The following ZNF561 variants were observed in gnomAD, a reference collection of about 807,000 sequenced individuals.
The protein encoded by ZNF561 is zinc finger protein 561.
In ZNF561, 16 loss-of-function variants were observed where a neutral mutation model predicts 16.7. That is an observed-to-expected ratio of 0.96 (90% confidence interval 0.65 to 1.45). The LOEUF (loss-of-function observed/expected upper bound fraction) is 1.45, where lower values mean the gene tolerates loss of function less well. Among genes scored for constraint, ZNF561 ranks in the 40% most tolerant of loss-of-function variants. The pLI is 0.00. For synonymous variants in ZNF561, 190 were observed against 192.1 expected (o/e 0.99, Z 0.09); for missense variants, 580 against 578.0 (o/e 1.00, Z -0.04).
At position 9,613,072 on chromosome 19, in the gene ZNF561, T is replaced by A. The variant is rs573219335; in HGVS notation, c.324+949A>T. Among the ~76,000 whole-genome samples, 14 of 152,248 alleles carry A rather than the reference T, an allele frequency of 9.2e-5. No individual in the cohort carries two copies. In the East Asian group the frequency reaches 2.7e-3, roughly 29 times the overall value. On this transcript the variant is annotated intron_variant, in intron 5 of 5. Transcript: ENST00000302851. ...TCCCAAAGTGCTGGGATTACAGGTG[T>A]CAGCCATTGCACCCAGTCAAATAGT...
At chr19:9,617,381 AT>A in intron 3 of ZNF561, 2 of 1,160,166 alleles carry the variant, frequency 1.7e-6, no homozygotes, top group African/African-American at 1.6e-5. Flanking sequence ...ACTTTTTAAA[AT>A]TTTTTTAAAT....
rs765627372 is a variant in ZNF561, at chr19:9,610,832, CT to C, written c.828del (p.Gly277GlufsTer30). ...SQLYAPVKTHKGEKSFECKEC... is the reference protein window; with the variant it reads ...SQLYAPVKTHXGEKSFECKEC... Reference sequence around the variant, plus strand: ...TCTTTACATTCAAAGGACTTCTCTCCTTTATGAGTTTTCACAGGTGCATAAA... The same window carrying C: ...TCTTTACATTCAAAGGACTTCTCTCCTTATGAGTTTTCACAGGTGCATAAA... On this transcript the variant is annotated frameshift_variant, in exon 6 of 6. Coordinates refer to ENST00000302851, the MANE Select transcript of ZNF561 (RefSeq NM_152289.3). LOFTEE classifies it low-confidence loss of function (END_TRUNC). 1 of 1,614,090 alleles carries C rather than the reference CT, an allele frequency of 6.2e-7. No homozygotes were observed. The highest frequency in any genetic ancestry group is 2.2e-5 in the East Asian group (1 of 44,876).
rs2074441849 is a variant in ZNF561, at chr19:9,610,944, G to A, written c.717C>T (p.His239=). The change falls in exon 6 of 6, where the codon CAC becomes CAT. Residue 239 remains histidine, a synonymous_variant. Coordinates refer to ENST00000302851, the MANE Select transcript of ZNF561 (RefSeq NM_152289.3). ...TATGAACTGCTACACACTGCTTTAG[G>A]TGTGAAGAAGCTGTGACAGCTCTCC... ...EYGRAVTASS[H]LKQCVAVHTG... 3 of 1,613,976 alleles carry A rather than the reference G, an allele frequency of 1.9e-6. No individual in the cohort carries two copies. The highest frequency in any genetic ancestry group is 2.7e-5 in the African/African-American group (2 of 74,900).
chr19:9,610,094 G>T lies in ZNF561; in HGVS notation c.*106C>A. The T allele has an allele frequency of 1.0e-6, 1 of 994,282 alleles. No homozygotes were observed. The highest frequency in any genetic ancestry group is 1.4e-6 in the Non-Finnish European group (1 of 694,518). The allele number at this position is 994,282 out of a possible 1,614,324, so 61.6% of individuals were successfully genotyped here. A position where few individuals can be genotyped will look rare whatever the true frequency, so the allele number is the denominator to read the frequency against. On this transcript the variant is annotated 3_prime_UTR_variant, in exon 6 of 6. Coordinates refer to ENST00000302851, the MANE Select transcript of ZNF561 (RefSeq NM_152289.3). ...GGTTTAATTTCAGACCCTCAGGATG[G>T]TATCTAAGGCCAATCCATGAGTCAT...
At position 9,619,428 on chromosome 19, in the gene ZNF561, T is replaced by C; in HGVS notation, c.25+4A>G. The C allele has an allele frequency of 1.2e-6, 2 of 1,613,260 alleles. No homozygotes were observed. Among genetic ancestry groups the C allele is most frequent in the Non-Finnish European group, 1.7e-6 (2 of 1,179,500 alleles). On this transcript the variant is annotated splice_donor_region_variant and intron_variant, in intron 2 of 5. Coordinates refer to ENST00000302851, the MANE Select transcript of ZNF561 (RefSeq NM_152289.3). ...TCTGAAAAAGAGCATCAACAAAGAC[T>C]TACCACGGGACAAATAAATGGCTGC... is the stretch of plus-strand genomic sequence containing the variant.
intron 4 of ZNF561, among the ~76,000 whole-genome samples, chr19:9,614,482 C>A (rs925090629): frequency 5.3e-5 from 8 of 152,262 alleles, no homozygotes; most frequent in African/African-American, 1.7e-4. Context: ...GTGGCGCATG[C>A]CTATAATCCC....
intron 4 of ZNF561, among the ~76,000 whole-genome samples, chr19:9,616,448 T>G (rs1400547664): frequency 6.6e-6 from 1 of 151,518 alleles, no homozygotes; most frequent in Non-Finnish European, 1.5e-5. Context: ...GTCTGGCTAA[T>G]TTTTGTATTT....
intron 3 of ZNF561, chr19:9,617,641 G>T: frequency 2.2e-6 from 1 of 456,928 alleles, no homozygotes; most frequent in Non-Finnish European, 4.4e-6. Flanking sequence ...TGAGTAGCTG[G>T]AATTACAGGC....
chr19:9,618,274 G>A (rs902860911), intron 2 of ZNF561, 95 bp from the exon 3 acceptor site: 9 of 1,215,506 alleles, frequency 7.4e-6, no homozygotes, highest in South Asian at 2.6e-5. Flanking sequence ...TTGAAATTCC[G>A]ATATGCTCCT....
At position 9,609,011 on chromosome 19, in the gene ZNF561, C is replaced by T. The variant is rs1322902522; in HGVS notation, c.*1189G>A. On this transcript the variant is annotated 3_prime_UTR_variant, in exon 6 of 6. Transcript: ENST00000302851. ...CCATGCTGGAGGTTGCTGGTTTACC[C>T]GAATGAGGGCAAGGAACACCTGGCC... 6 of 152,088 alleles carry T rather than the reference C, an allele frequency of 3.9e-5. No individual in the cohort carries two copies. The highest frequency in any genetic ancestry group is 6.6e-5 in the Admixed American group (1 of 15,260). The allele number at this position is 152,088 out of a possible 1,614,324, so 9.4% of individuals were successfully genotyped here. A position where few individuals can be genotyped will look rare whatever the true frequency, so the allele number is the denominator to read the frequency against.
intron 1 of ZNF561, 30 bp from the exon 2 acceptor site, chr19:9,619,612 A>G: frequency 1.7e-6 from 1 of 577,916 alleles, no homozygotes; most frequent in Non-Finnish European, 2.9e-6. Context: ...AACAACAAGC[A>G]TGAAACATCA....
chr19:9,610,873 G>A lies in ZNF561; in HGVS notation c.788C>T (p.Thr263Ile). 1 of 1,614,132 alleles carries A rather than the reference G, an allele frequency of 6.2e-7. No individual in the cohort carries two copies. Among genetic ancestry groups the A allele is most frequent in the African/African-American group, 1.3e-5 (1 of 75,048 alleles). ...KKTKKCGKSF[T>I]NFSQLYAPVK... ...AGGTGCATAAAGTTGAGAAAAATTA[G>A]TGAAGGATTTCCCACATTTCTTAGT... The change falls in exon 6 of 6, where the codon ACT (threonine) becomes ATT (isoleucine). Residue 263 changes from threonine (T) to isoleucine (I), a missense_variant. Coordinates refer to ENST00000302851, the MANE Select transcript of ZNF561 (RefSeq NM_152289.3).
intron 2 of ZNF561, among the ~76,000 whole-genome samples, 151 bp from the exon 3 acceptor site, chr19:9,618,330 T>C (rs1465744205): frequency 2.6e-5 from 4 of 152,140 alleles, no homozygotes; most frequent in East Asian, 1.9e-4. Context: ...TGAAATGCCA[T>C]AGTAAGTCCT....
chr19:9,620,562 C>CA (rs2074652639), intron 1 of ZNF561, among the ~76,000 whole-genome samples: 1 of 152,114 alleles, frequency 6.6e-6, no homozygotes, highest in South Asian at 2.1e-4. Flanking sequence ...AACCTACACT[C>CA]AAACAACCCT....
Position 9,608,312 on chromosome 19 carries a change from G to A in ZNF561, c.*1888C>T, listed in dbSNP as rs2074386811. On this transcript the variant is annotated 3_prime_UTR_variant, in exon 6 of 6. Coordinates refer to ENST00000302851, the MANE Select transcript of ZNF561 (RefSeq NM_152289.3). The stretch of plus-strand genomic sequence containing the variant: ...GAGAGAGGAGAAAGGAGAGAGGAGA[G>A]AGAGACCTATTTGTTGGTTTCCTTC... 1 of 151,998 alleles carries A rather than the reference G, an allele frequency of 6.6e-6. No individual in the cohort carries two copies. The highest frequency in any genetic ancestry group is 1.5e-5 in the Non-Finnish European group (1 of 68,018). 9.4% of individuals were successfully genotyped at this position (151,998 alleles called of 1,614,324 possible).
chr19:9,611,440 T>C (rs367684626), intron 5 of ZNF561, 104 bp from the exon 6 acceptor site: 1 of 1,216,518 alleles, frequency 8.2e-7, no homozygotes, highest in South Asian at 2.1e-5. Flanking sequence ...ATTTTACTTT[T>C]TAATATTTAA....
rs372303901 is a variant in ZNF561 at position 9,619,434 on chromosome 19, C to A, written c.23G>T (p.Arg8Leu). ...AAAGAGCATCAACAAAGACTTACCA[C>A]GGGACAAATAAATGGCTGCCATTCT... MAAIYLSRGFFSREPICP... is the reference protein window; with the variant it reads MAAIYLSLGFFSREPICP... Residue 8 changes from arginine to leucine, a missense_variant and splice_region_variant, in exon 2 of 6, where the codon CGT becomes CTT. By Grantham distance (102) the Arg-to-Leu change is moderately radical (BLOSUM62 -2). Coordinates refer to ENST00000302851, the MANE Select transcript of ZNF561 (RefSeq NM_152289.3). 1 of 1,613,330 alleles carries A rather than the reference C, an allele frequency of 6.2e-7. No homozygotes were observed. The highest frequency in any genetic ancestry group is 2.2e-5 in the East Asian group (1 of 44,850).
chr19:9,610,297 C>T lies in ZNF561; in HGVS notation c.1364G>A (p.Gly455Glu), dbSNP rs1298968592. The T allele has an allele frequency of 1.2e-6, 2 of 1,614,002 alleles. No individual in the cohort carries two copies. Among genetic ancestry groups the T allele is most frequent in the Non-Finnish European group, 1.7e-6 (2 of 1,180,016 alleles). ...GCGTGAGGAAACAGCAAATGCTTTC[C>T]CACATTCTTTACATACGAAGGGTTT... ...GEKPFVCKEC[G>E]KAFAVSSRLS... Residue 455 changes from glycine to glutamate, a missense_variant, in exon 6 of 6, where the codon GGG (glycine) becomes GAG (glutamate). Gly to Glu is a moderately conservative substitution (Grantham distance 98). Transcript: ENST00000302851.
chr19:9,617,204 A>G (rs2074571632), intron 3 of ZNF561, 33 bp from the exon 4 acceptor site: 4 of 1,602,480 alleles, frequency 2.5e-6, no homozygotes, highest in Non-Finnish European at 3.4e-6. Context: ...GTTTGAGCCA[A>G]TGAACACTTC....
Sources: allele counts gnomAD v4.1 joint callset (sites outside exome capture counted in the v4.1 genomes callset), GRCh38; gene constraint gnomAD v4.1.1; transcripts MANE v1.5; gene names NCBI Gene and HGNC (gene_info 2026-07-23, HGNC 2026-07-21).